MROH7: variants seen among roughly 807,000 people sequenced by gnomAD.
The protein encoded by MROH7 is maestro heat like repeat family member 7.
Under a neutral mutation model 129.2 loss-of-function variants are expected in MROH7, and 113 were observed. That is an observed-to-expected ratio of 0.87 (90% CI 0.75 to 1.02). The LOEUF (loss-of-function observed/expected upper bound fraction) is 1.02, where lower values mean the gene tolerates loss of function less well. Ranked by LOEUF, MROH7 falls within the 50% of genes least tolerant of loss-of-function variation. The probability of loss-of-function intolerance (pLI) is 0.00; values close to 1 mark genes in which losing one functional copy is unlikely to be tolerated. For synonymous variants in MROH7, 655 were observed against 667.9 expected (o/e 0.98, Z 0.30); for missense variants, 1,601 against 1,671.3 (o/e 0.96, Z 0.73).
Position 54,679,394 on chromosome 1 carries a change from G to A in MROH7, c.2181G>A (p.Met727Ile). The change falls in exon 12 of 24, where the codon ATG becomes ATA. Residue 727 changes from methionine (M) to isoleucine (I), a missense_variant. Transcript: ENST00000421030. ...REMMQLASEV[M>I]LSSVLEWYRH... Reference sequence around the variant, plus strand: ...TGATGCAGCTGGCCTCGGAGGTCATGCTCAGCTCGGTGCTGGAGTGGTACC... The same window carrying A: ...TGATGCAGCTGGCCTCGGAGGTCATACTCAGCTCGGTGCTGGAGTGGTACC... The A allele has an allele frequency of 6.2e-7, 1 of 1,614,082 alleles. No individual in the cohort carries two copies. The highest frequency in any genetic ancestry group is 8.5e-7 in the Non-Finnish European group (1 of 1,180,016).
chr1:54,648,645 T>C (rs1052475458), intron 1 of MROH7, among the ~76,000 whole-genome samples: 2 of 152,026 alleles, frequency 1.3e-5, no homozygotes, highest in African/African-American at 4.8e-5. Context: ...GGATTACAGG[T>C]GTGAGCCACT....
chr1:54,700,277 C>CT (rs1370442868), intron 17 of MROH7, 44 bp from the exon 18 acceptor site: 1 of 1,613,018 alleles, frequency 6.2e-7, no homozygotes, highest in African/African-American at 1.3e-5. Context: ...GGGGGCTGCC[C>CT]TGCCCCCCTC....
chr1:54,694,161 C>T (rs1006183683), intron 16 of MROH7, among the ~76,000 whole-genome samples: 4 of 152,186 alleles, frequency 2.6e-5, no homozygotes, highest in African/African-American at 9.6e-5. Context: ...GGATTACAGG[C>T]GTGAGCCACG....
intron 14 of MROH7, among the ~76,000 whole-genome samples, chr1:54,684,029 C>A (rs950576502): frequency 2.6e-5 from 4 of 152,244 alleles, no homozygotes; most frequent in Non-Finnish European, 5.9e-5. Context: ...ATATCCCCAA[C>A]ATCTTGCATA....
At chr1:54,704,951 C>T (rs1432728538) in intron 21 of MROH7, among the ~76,000 whole-genome samples, 1 of 151,848 alleles carries the variant, frequency 6.6e-6, no homozygotes, top group East Asian at 1.9e-4. Flanking sequence ...AGGCATATGC[C>T]ACCACACCTG....
intron 23 of MROH7, 103 bp downstream of exon 23, chr1:54,709,179 G>A (rs1645583906): frequency 9.0e-7 from 1 of 1,109,356 alleles, no homozygotes; most frequent in Non-Finnish European, 1.4e-6. Context: ...CCAAGACAAG[G>A]GTCTTCAACT....
rs1569906463 is a variant in MROH7, at chr1:54,670,874, T to C, written c.1544T>C (p.Leu515Pro). Residue 515 changes from leucine (L) to proline (P), a missense_variant, in exon 7 of 24, where the codon CTG becomes CCG. Transcript: ENST00000421030. Reference sequence around the variant, plus strand: ...GTGTGTGTGCACAGCGTGTTCTCCCTGCCCTCCGTGCAGGCGATGCAGGAG... The same window carrying C: ...GTGTGTGTGCACAGCGTGTTCTCCCCGCCCTCCGTGCAGGCGATGCAGGAG... Reference protein sequence around the residue: ...VNVCVHSVFSLPSVQAMQEKD... With the variant: ...VNVCVHSVFSPPSVQAMQEKD... The C allele has an allele frequency of 6.8e-6, 11 of 1,613,204 alleles. No individual in the cohort carries two copies. The highest frequency in any genetic ancestry group is 7.6e-6 in the Non-Finnish European group (9 of 1,179,718).
At chr1:54,646,634 C>T (rs1019425491) in intron 1 of MROH7, among the ~76,000 whole-genome samples, 5 of 152,060 alleles carry the variant, frequency 3.3e-5, no homozygotes, top group Non-Finnish European at 2.9e-5. Flanking sequence ...TTGTCTATCA[C>T]ATCCATTAAA....
At chr1:54,682,132 C>T (rs1645078936) in intron 13 of MROH7, among the ~76,000 whole-genome samples, 1 of 151,268 alleles carries the variant, frequency 6.6e-6, no homozygotes, top group African/African-American at 2.4e-5. Context: ...GGCATGATAC[C>T]TGGGAAATAG....
rs114370681 is a variant in MROH7 at position 54,703,968 on chromosome 1, T to C, written c.3564+1223T>C. 9.6e-3 allele frequency among the ~76,000 whole-genome samples: 1,467 copies of C among 152,296 alleles called. 17 individuals carry two copies. The highest frequency in any genetic ancestry group is 0.016 in the Non-Finnish European group (1,066 of 68,022). Reference sequence around the variant, plus strand: ...GGATGCCAGTCACCCTGGGAAGGGCTTGACCTTGGGCCAGGCAGTTCTCAG... The same window carrying C: ...GGATGCCAGTCACCCTGGGAAGGGCCTGACCTTGGGCCAGGCAGTTCTCAG... On this transcript the variant is annotated intron_variant, in intron 21 of 23. Transcript: ENST00000421030. This position sits in a 1 kb window ranked among gnomAD's most constrained non-coding sequence, Gnocchi z 4.4.
chr1:54,665,835 AG>A (rs1442474195), intron 4 of MROH7: 1 of 152,970 alleles, frequency 6.5e-6, no homozygotes, highest in East Asian at 1.9e-4. Flanking sequence ...GACATGCAGG[AG>A]GCAGGTCCTG....
intron 3 of MROH7, among the ~76,000 whole-genome samples, chr1:54,660,418 TA>T (rs1644713830): frequency 1.3e-5 from 2 of 152,192 alleles, no homozygotes; most frequent in South Asian, 4.1e-4. Flanking sequence ...GGGACACAAA[TA>T]TTCAAACCAC....
chr1:54,648,800 G>A (rs1003925037), intron 1 of MROH7, among the ~76,000 whole-genome samples: 1 of 152,132 alleles, frequency 6.6e-6, no homozygotes, highest in African/African-American at 2.4e-5. Flanking sequence ...ACTGGAGTAG[G>A]GTCTGGTAGT....
intron 21 of MROH7, among the ~76,000 whole-genome samples, chr1:54,704,059 T>G (rs1183944378): frequency 6.6e-6 from 1 of 151,762 alleles, no homozygotes; most frequent in East Asian, 1.9e-4. Context: ...GAGTGGGGAG[T>G]CCATCACTCC....
intron 1 of MROH7, among the ~76,000 whole-genome samples, chr1:54,648,291 G>C (rs79014871): frequency 0.016 from 2,373 of 151,988 alleles, 63 homozygotes; most frequent in African/African-American, 0.055. Context: ...TATCCCATTA[G>C]TCTATATATT....
intron 1 of MROH7, among the ~76,000 whole-genome samples, chr1:54,643,199 G>T (rs1644414302): frequency 6.6e-6 from 1 of 152,176 alleles, no homozygotes; most frequent in South Asian, 2.1e-4. Flanking sequence ...CCACATTTGG[G>T]GATTCCAGGA....
chr1:54,695,278 TG>T, intron 16 of MROH7, 97 bp from the exon 17 acceptor site: 1 of 670,478 alleles, frequency 1.5e-6, no homozygotes, highest in Non-Finnish European at 2.6e-6. Flanking sequence ...CAGGTGATCC[TG>T]GCTTACCCAG....
At chr1:54,696,083 A>G (rs1645317363) in intron 17 of MROH7, among the ~76,000 whole-genome samples, 1 of 152,154 alleles carries the variant, frequency 6.6e-6, no homozygotes, top group Non-Finnish European at 1.5e-5. Context: ...AGCACTTAAT[A>G]TCTTCCAAGC....
intron 15 of MROH7, among the ~76,000 whole-genome samples, chr1:54,687,642 T>TC (rs1314572050): frequency 6.6e-6 from 1 of 152,184 alleles, no homozygotes; most frequent in African/African-American, 2.4e-5. Context: ...CATTGCATGA[T>TC]AAAGGATAAA....
Sources: gnomAD v4.1 joint callset for allele counts (sites outside exome capture counted in the v4.1 genomes callset) on GRCh38, gnomAD v4.1.1 for gene constraint, Gnocchi (gnomAD v3.1) non-coding constraint, MANE v1.5 for transcripts, NCBI Gene and HGNC (gene_info 2026-07-23, HGNC 2026-07-21) for gene names.